LRBA: variants seen among roughly 807,000 people sequenced by gnomAD.
LRBA encodes LPS responsive beige-like anchor protein, also known as lipopolysaccharide-responsive and beige-like anchor protein.
A neutral mutation model predicts 330.0 loss-of-function variants in LRBA; 176 were observed. The ratio of observed to expected loss-of-function variants is 0.53; its 90% CI spans 0.47 to 0.60. The LOEUF is 0.60. Among genes scored for constraint, LRBA ranks in the 20% least tolerant of loss-of-function variants. The pLI, the probability that LRBA is intolerant of heterozygous loss-of-function variation, is 0.00. For synonymous variants in LRBA, 1,230 were observed against 1,193.0 expected (o/e 1.03, Z -0.64); for missense variants, 3,259 against 3,444.8 (o/e 0.95, Z 1.35).
At chr4:150,392,807 T>C (rs1469092635) in intron 47 of LRBA, among the ~76,000 whole-genome samples, 1 of 127,984 alleles carries the variant, frequency 7.8e-6, no homozygotes, top group African/African-American at 3.1e-5. Context: ...TGAGAACACA[T>C]GGACACAGGG....
Position 150,806,410 on chromosome 4 carries a change from GAA to G in LRBA, c.5385-8_5385-7del. On this transcript the variant is annotated splice_region_variant and splice_polypyrimidine_tract_variant and intron_variant, in intron 32 of 56. Coordinates refer to ENST00000651943, the MANE Select transcript of LRBA (RefSeq NM_001364905.1). ...GTTCAAGCCTCTCTGTAATACTAAGGAAAAGACATTAAGTTACTTGAACTATT... is the reference window on the plus strand; with the variant it reads ...GTTCAAGCCTCTCTGTAATACTAAGGAAGACATTAAGTTACTTGAACTATT... 6.3e-7 allele frequency: 1 copy of G among 1,575,796 alleles called. No individual in the cohort carries two copies. The highest frequency in any genetic ancestry group is 8.6e-7 in the Non-Finnish European group (1 of 1,165,004).
intron 36 of LRBA, among the ~76,000 whole-genome samples, chr4:150,714,108 T>C (rs1385772591): frequency 2.0e-5 from 3 of 152,132 alleles, no homozygotes; most frequent in Non-Finnish European, 1.5e-5. Flanking sequence ...TTTAGAAAGG[T>C]TTATAGCAAG....
intron 36 of LRBA, among the ~76,000 whole-genome samples, chr4:150,696,647 G>A (rs1298054314): frequency 6.6e-6 from 1 of 152,100 alleles, no homozygotes; most frequent in Admixed American, 6.6e-5. Flanking sequence ...AATAAACTAT[G>A]AGATAACTGC....
chr4:150,799,618 T>G, intron 33 of LRBA, among the ~76,000 whole-genome samples: 1 of 152,264 alleles, frequency 6.6e-6, no homozygotes, highest in East Asian at 1.9e-4. Context: ...TGGGCCCTTT[T>G]ATTATACATC....
At chr4:150,396,666 A>G (rs1427667574) in intron 47 of LRBA, among the ~76,000 whole-genome samples, 1 of 151,978 alleles carries the variant, frequency 6.6e-6, no homozygotes, top group East Asian at 1.9e-4. Flanking sequence ...TAGAATACGA[A>G]TGTATTGGTT....
chr4:150,296,731 T>C (rs959357110), intron 53 of LRBA, among the ~76,000 whole-genome samples: 4 of 152,110 alleles, frequency 2.6e-5, no homozygotes, highest in Non-Finnish European at 5.9e-5. Context: ...TCATAAATTA[T>C]CAGTAATATC....
At chr4:150,964,411 G>T (rs1483876551) in intron 2 of LRBA, among the ~76,000 whole-genome samples, 1 of 149,724 alleles carries the variant, frequency 6.7e-6, no homozygotes, top group African/African-American at 2.6e-5. Context: ...AAGAAGGAGA[G>T]GTCGGATTGT....
intron 53 of LRBA, among the ~76,000 whole-genome samples, chr4:150,301,524 A>G (rs139159591): frequency 0.011 from 1,645 of 152,264 alleles, 26 homozygotes; most frequent in African/African-American, 0.038. Flanking sequence ...AATGTACATA[A>G]TAAGAAACAG....
chr4:151,003,885 C>CTGTGTGTGTGTGTGTG (rs56025404), intron 2 of LRBA, among the ~76,000 whole-genome samples: 1 of 134,112 alleles, frequency 7.5e-6, no homozygotes, highest in East Asian at 2.3e-4. Context: ...TAGCCAACTG[C>CTGTGTGTGTGTGTGTG]TGTGTGTGTG....
chr4:150,529,733 G>GA (rs33920009), intron 40 of LRBA, among the ~76,000 whole-genome samples: 34,769 of 145,358 alleles, frequency 0.24, 4,267 homozygotes, highest in African/African-American at 0.34. Context: ...AAAAAAAAAA[G>GA]AAAAAAAAAA....
chr4:150,715,538 C>T (rs2127056355), intron 36 of LRBA, among the ~76,000 whole-genome samples: 1 of 152,256 alleles, frequency 6.6e-6, no homozygotes, highest in South Asian at 2.1e-4. Context: ...CAAAAGCAGA[C>T]ATTTAATATT....
At chr4:150,952,274 G>T (rs536509378) in intron 2 of LRBA, among the ~76,000 whole-genome samples, 1 of 150,018 alleles carries the variant, frequency 6.7e-6, no homozygotes, top group South Asian at 2.2e-4. Flanking sequence ...GTGTGTGTGT[G>T]TATGTCTATA....
intron 53 of LRBA, among the ~76,000 whole-genome samples, chr4:150,293,660 C>T (rs185408164): frequency 2.6e-5 from 4 of 152,330 alleles, no homozygotes; most frequent in Admixed American, 2.6e-4. Flanking sequence ...TTCTCCTCTT[C>T]TCTCTATGAT....
chr4:150,570,196 T>C (rs1362598374), intron 40 of LRBA, among the ~76,000 whole-genome samples: 2 of 152,106 alleles, frequency 1.3e-5, no homozygotes, highest in African/African-American at 4.8e-5. Context: ...AAATATAAAA[T>C]ACTGAATGAA....
At chr4:150,689,423 C>T (rs541018658) in intron 36 of LRBA, among the ~76,000 whole-genome samples, 1 of 151,700 alleles carries the variant, frequency 6.6e-6, no homozygotes, top group African/African-American at 2.4e-5. Flanking sequence ...CAAACCTGCA[C>T]ATTCTGCACA....
chr4:150,783,528 C>T (rs1340557633), intron 34 of LRBA, among the ~76,000 whole-genome samples: 2 of 152,184 alleles, frequency 1.3e-5, no homozygotes, highest in African/African-American at 4.8e-5. Context: ...GCAAACAAGG[C>T]AGTACTGATG....
chr4:150,317,527 C>T (rs1731873937), intron 50 of LRBA, among the ~76,000 whole-genome samples: 1 of 152,116 alleles, frequency 6.6e-6, no homozygotes, highest in Non-Finnish European at 1.5e-5. Context: ...TTTGTCTTTG[C>T]TGATTACTGT....
chr4:150,813,049 TG>T (rs1382984387), intron 31 of LRBA, among the ~76,000 whole-genome samples: 1 of 151,698 alleles, frequency 6.6e-6, no homozygotes, highest in East Asian at 1.9e-4. Flanking sequence ...TCTGGCTACT[TG>T]GGAAGCTGAA....
At chr4:150,675,166 C>A (rs938971967) in intron 37 of LRBA, among the ~76,000 whole-genome samples, 2 of 152,062 alleles carry the variant, frequency 1.3e-5, no homozygotes, top group African/African-American at 4.8e-5. Flanking sequence ...GCACTCCAGT[C>A]TGGGTGGCAG....
Sources: gnomAD v4.1 joint callset for allele counts (sites outside exome capture counted in the v4.1 genomes callset) on GRCh38, gnomAD v4.1.1 for gene constraint, MANE v1.5 for transcripts, NCBI Gene and HGNC (gene_info 2026-07-23, HGNC 2026-07-21) for gene names.